The following CPNE3 variants were observed in gnomAD, a reference collection of about 807,000 sequenced individuals.
CPNE3 encodes the protein copine-3.
In CPNE3, 68 loss-of-function variants were observed where a neutral mutation model predicts 63.9. That is an observed-to-expected ratio of 1.06 (90% CI 0.87 to 1.30). The LOEUF (loss-of-function observed/expected upper bound fraction) is 1.30. Among genes scored for constraint, CPNE3 ranks in the 50% most tolerant of loss-of-function variants. The probability of loss-of-function intolerance (pLI) is 0.00; values close to 1 mark genes in which losing one functional copy is unlikely to be tolerated. For synonymous variants in CPNE3, 219 were observed against 197.5 expected, an observed-to-expected ratio of 1.11 and a Z score of -0.91; for missense variants, 665 against 578.1, an observed-to-expected ratio of 1.15 and a Z score of -1.54.
chr8:86,522,349 A>G (rs774348820), intron 2 of CPNE3, among the ~76,000 whole-genome samples: 3 of 152,100 alleles, frequency 2.0e-5, no homozygotes, highest in Non-Finnish European at 4.4e-5. Context: ...TCAGTAAGTA[A>G]TTGTTTTATG....
chr8:86,515,930 G>T (rs961304955), intron 2 of CPNE3, among the ~76,000 whole-genome samples: 9 of 152,150 alleles, frequency 5.9e-5, no homozygotes, highest in Non-Finnish European at 1.2e-4. Flanking sequence ...GATGGGAAAC[G>T]AAAAGGGAAC....
At chr8:86,556,025 T>A (rs1231093609) in intron 15 of CPNE3, 77 bp from the exon 16 acceptor site, 1 of 785,534 alleles carries the variant, frequency 1.3e-6, no homozygotes, top group Non-Finnish European at 2.3e-6. Flanking sequence ...CAAGAAAGAC[T>A]GGATGACTCA....
At chr8:86,530,654 C>T (rs1255450167) in intron 4 of CPNE3, among the ~76,000 whole-genome samples, 3 of 151,542 alleles carry the variant, frequency 2.0e-5, no homozygotes, top group Non-Finnish European at 4.4e-5. Context: ...GGGTAGGCTC[C>T]TTAGAAGTTT....
chr8:86,553,162 C>T (rs1452315972), intron 14 of CPNE3, among the ~76,000 whole-genome samples: 1 of 151,764 alleles, frequency 6.6e-6, no homozygotes, highest in Non-Finnish European at 1.5e-5. Context: ...CCGTGCCCAG[C>T]CCTAAATGAA....
chr8:86,534,105 T>TC (rs1225238817), intron 6 of CPNE3, among the ~76,000 whole-genome samples: 1 of 151,976 alleles, frequency 6.6e-6, no homozygotes, highest in Non-Finnish European at 1.5e-5. Context: ...TTTTTTTTTT[T>TC]CAAAAAAGAA....
In CPNE3 at chr8:86,533,308, C is replaced by T. The variant is rs189287037; in HGVS notation, c.459+728C>T. ...CTGTAATCCCAGCACTTTGGGAGGCCGAGGTGGGGAGATCACTTGAGCTCA... is the reference window on the plus strand; with the variant it reads ...CTGTAATCCCAGCACTTTGGGAGGCTGAGGTGGGGAGATCACTTGAGCTCA... On this transcript the variant is annotated intron_variant, in intron 6 of 16. Coordinates refer to ENST00000517490, the MANE Select transcript of CPNE3 (RefSeq NM_003909.5). Among the ~76,000 whole-genome samples, 688 of 152,084 alleles carry T rather than the reference C, an allele frequency of 4.5e-3. 6 individuals carry two copies. Among genetic ancestry groups the T allele is most frequent in the African/African-American group, 0.015 (636 of 41,480 alleles).
At chr8:86,533,092 A>G (rs535120330) in intron 6 of CPNE3, among the ~76,000 whole-genome samples, 3 of 151,536 alleles carry the variant, frequency 2.0e-5, no homozygotes, top group Admixed American at 6.6e-5. Context: ...GAGTCTCACT[A>G]TGTTGCCTAG....
chr8:86,528,932 C>T lies in CPNE3; in HGVS notation c.133-13C>T, dbSNP rs371320800. Reference sequence around the variant, plus strand: ...ATCTGAAGAAACTTTTTTGTTTTTGCGGATGGGTGTAGGTTGAGCGCACAG... The same window carrying T: ...ATCTGAAGAAACTTTTTTGTTTTTGTGGATGGGTGTAGGTTGAGCGCACAG... On this transcript the variant is annotated splice_polypyrimidine_tract_variant and intron_variant, in intron 3 of 16. Transcript: ENST00000517490. The T allele has an allele frequency of 6.7e-5, 106 of 1,585,378 alleles. 1 individual carries two copies. The highest frequency in any genetic ancestry group is 6.3e-4 in the African/African-American group (46 of 73,308).
chr8:86,560,262 T>A lies in CPNE3; in HGVS notation c.*1852T>A, dbSNP rs1331818100. The stretch of plus-strand genomic sequence containing the variant: ...TCTCTTTGTATGCTTGGAAACAGCA[T>A]AGATATGTTGCTGTGGTTTTCAGAA... On this transcript the variant is annotated 3_prime_UTR_variant, in exon 17 of 17. Transcript: ENST00000517490. 3 of 152,230 alleles carry A rather than the reference T, an allele frequency of 2.0e-5. No homozygotes were observed. The highest frequency in any genetic ancestry group is 2.9e-5 in the Non-Finnish European group (2 of 68,056). 9.4% of individuals were successfully genotyped at this position (152,230 alleles called of 1,614,324 possible). A position where few individuals can be genotyped will look rare whatever the true frequency, so the allele number is the denominator to read the frequency against.
chr8:86,552,119 A>G (rs756563781), intron 14 of CPNE3, among the ~76,000 whole-genome samples: 10 of 152,262 alleles, frequency 6.6e-5, no homozygotes, highest in Non-Finnish European at 1.0e-4. Context: ...GAGCAGAGGC[A>G]TAATTTAAAA....
chr8:86,540,381 T>C lies in CPNE3; in HGVS notation c.633+47T>C, dbSNP rs771389632. 4 of 891,136 alleles carry C rather than the reference T, an allele frequency of 4.5e-6. No individual in the cohort carries two copies. The South Asian group carries it at 8.3e-5, about 19-fold the overall frequency. The allele number at this position is 891,136 out of a possible 1,614,324, so 55.2% of individuals were successfully genotyped here. A position where few individuals can be genotyped will look rare whatever the true frequency, so the allele number is the denominator to read the frequency against. On this transcript the variant is annotated intron_variant, in intron 8 of 16. Coordinates refer to ENST00000517490, the MANE Select transcript of CPNE3 (RefSeq NM_003909.5). ...ATAAAATACTTAAATATACCCATGT[T>C]CACCTATTTTATAAAATTAATACAT... is the stretch of plus-strand genomic sequence containing the variant.
At chr8:86,557,322 G>A (rs1585929785) in intron 16 of CPNE3, among the ~76,000 whole-genome samples, 2 of 152,202 alleles carry the variant, frequency 1.3e-5, no homozygotes, top group East Asian at 3.9e-4. Context: ...TTTTAGTAGA[G>A]ACAGGGTTTT....
chr8:86,548,521 T>C (rs1821104810), intron 12 of CPNE3, 87 bp downstream of exon 12: 2 of 1,500,712 alleles, frequency 1.3e-6, no homozygotes, highest in Non-Finnish European at 1.8e-6. Flanking sequence ...CACTCTGATA[T>C]AGGTGGTAGG....
intron 16 of CPNE3, among the ~76,000 whole-genome samples, chr8:86,557,933 CA>C (rs1821356859): frequency 6.6e-6 from 1 of 151,872 alleles, no homozygotes; most frequent in Non-Finnish European, 1.5e-5. Context: ...ACTGTTTTTG[CA>C]ACTTCCTATG....
At position 86,532,574 on chromosome 8, in the gene CPNE3, T is replaced by C. The variant is rs1473519502; in HGVS notation, c.453T>C (p.Asp151=). The C allele has an allele frequency of 3.1e-6, 5 of 1,612,546 alleles. No homozygotes were observed. The highest frequency in any genetic ancestry group is 3.4e-6 in the Non-Finnish European group (4 of 1,179,256). The change falls in exon 6 of 17, where the codon GAT becomes GAC. Residue 151 remains aspartate, a synonymous_variant. Coordinates refer to ENST00000517490, the MANE Select transcript of CPNE3 (RefSeq NM_003909.5). ...TTGAAATGGAAGCCAGAAAACTGGA[T>C]AATAAGGTGGGTAGACTATGCAGAT... ...VLFEMEARKL[D]NKDLFGKSDP...
At chr8:86,535,320 CTTTT>C (rs59696136) in intron 6 of CPNE3, among the ~76,000 whole-genome samples, 1 of 142,784 alleles carries the variant, frequency 7.0e-6, no homozygotes, top group Non-Finnish European at 1.5e-5. Flanking sequence ...ACAGAAAAGA[CTTTT>C]TTTTTTTTTT....
chr8:86,529,842 C>T (rs912606287), intron 4 of CPNE3, among the ~76,000 whole-genome samples: 1 of 151,926 alleles, frequency 6.6e-6, no homozygotes, highest in Admixed American at 6.6e-5. Flanking sequence ...ACATTTGTCA[C>T]TCACATATGT....
intron 8 of CPNE3, 23 bp from the exon 9 acceptor site, chr8:86,544,717 A>AT (rs1173726862): frequency 1.1e-5 from 13 of 1,194,258 alleles, no homozygotes; most frequent in Non-Finnish European, 1.5e-5. Flanking sequence ...ATTTTTATAT[A>AT]TTTTTATTAT....
At chr8:86,539,681 G>A (rs77046515) in intron 7 of CPNE3, among the ~76,000 whole-genome samples, 1 of 17,020 alleles carries the variant, frequency 5.9e-5, no homozygotes, top group African/African-American at 2.6e-4. Context: ...TTTTTTTTTT[G>A]AGACGTTGTC....
Sources: allele counts gnomAD v4.1 joint callset (sites outside exome capture counted in the v4.1 genomes callset), GRCh38; gene constraint gnomAD v4.1.1; transcripts MANE v1.5; gene names NCBI Gene and HGNC (gene_info 2026-07-23, HGNC 2026-07-21).